The following COL4A4 variants were observed in gnomAD, a reference collection of about 807,000 sequenced individuals.
COL4A4 encodes the protein collagen type IV alpha 4 chain.
COL4A4 carries 105 observed loss-of-function variants against 192.9 expected under a neutral mutation model. That is an observed-to-expected ratio of 0.54 (90% CI 0.46 to 0.64). The LOEUF (loss-of-function observed/expected upper bound fraction) is 0.64, where lower values mean the gene tolerates loss of function less well. COL4A4 is among the 30% of genes least tolerant of loss of function. The pLI, the probability that COL4A4 is intolerant of heterozygous loss-of-function variation, is 0.00. For missense variants in COL4A4, 1,967 were observed against 2,169.3 expected (o/e 0.91, Z 1.85); for synonymous variants, 762 against 769.9 (o/e 0.99, Z 0.17).
At position 227,007,039 on chromosome 2, in the gene COL4A4, C is replaced by G. The variant is rs1034975987; in HGVS notation, c.*286G>C. On this transcript the variant is annotated 3_prime_UTR_variant, in exon 48 of 48. Transcript: ENST00000396625. ...AATCTGGCCTTTATCATCTACTTGCCTTTCTGAGAATTAGCATATTTTTAA... is the reference window on the plus strand; with the variant it reads ...AATCTGGCCTTTATCATCTACTTGCGTTTCTGAGAATTAGCATATTTTTAA... The G allele has an allele frequency of 1.1e-5, 5 of 463,572 alleles. No homozygotes were observed. The highest frequency in any genetic ancestry group is 9.8e-5 in the African/African-American group (5 of 50,840). 28.7% of individuals were successfully genotyped at this position (463,572 alleles called of 1,614,324 possible).
chr2:227,121,242 G>A, intron 4 of COL4A4, 94 bp from the exon 5 acceptor site: 3 of 1,387,482 alleles, frequency 2.2e-6, no homozygotes, highest in East Asian at 2.5e-5. Flanking sequence ...AGAAGACTTG[G>A]AAATTAGATT....
intron 44 of COL4A4, among the ~76,000 whole-genome samples, chr2:227,012,888 C>G (rs976434638): frequency 3.3e-5 from 5 of 152,156 alleles, no homozygotes; most frequent in African/African-American, 4.8e-5. Flanking sequence ...AGCCATATGA[C>G]TAGGTACTCA....
rs62277812 is a variant in COL4A4, at chr2:227,139,426, T to C, written c.192+735A>G. ...GTTTGATCTAATACTTTATCACAAA[T>C]GAATTAGTGGGCTGCTGTCAGAACA... On this transcript the variant is annotated intron_variant, in intron 4 of 47. Transcript: ENST00000396625. Among the ~76,000 whole-genome samples the C allele has an allele frequency of 8.7e-3, 1,321 of 152,308 alleles. 6 individuals are homozygous for C. Among genetic ancestry groups the C allele is most frequent in the Non-Finnish European group, 0.014 (934 of 68,024 alleles).
intron 4 of COL4A4, among the ~76,000 whole-genome samples, chr2:227,134,682 G>A (rs1378278847): frequency 6.6e-6 from 1 of 152,218 alleles, no homozygotes; most frequent in Non-Finnish European, 1.5e-5. Flanking sequence ...TATAAGGGAT[G>A]AGTGAATGAG....
rs1435508554 is a variant in COL4A4, at chr2:227,094,255, A to C, written c.1239T>G (p.Pro413=). The C allele has an allele frequency of 1.9e-6, 3 of 1,613,922 alleles. No homozygotes were observed. In the South Asian group the frequency reaches 3.3e-5, roughly 18 times the overall value. The part of the protein sequence containing the change: ...MIGPPGPQGF[P]GLPGLPGEAG... ...CTTCTCCTGGAAGCCCAGGAAGACC[A>C]GGAAATCCTTGTGGCCCAGGGGGTC... is the stretch of plus-strand genomic sequence containing the variant. The change falls in exon 20 of 48, where the codon CCT becomes CCG. Residue 413 remains proline, a synonymous_variant. Transcript: ENST00000396625.
intron 44 of COL4A4, 88 bp downstream of exon 44, chr2:227,021,960 C>T (rs1028616627): frequency 1.4e-6 from 2 of 1,466,516 alleles, no homozygotes; most frequent in Non-Finnish European, 1.9e-6. Context: ...GTTTAGGCTC[C>T]ATATAAAAAG....
In COL4A4 at chr2:227,030,643, A is replaced by T. The variant is rs55886181; in HGVS notation, c.3818-45T>A. ...AAAAATATTCTTTTAGTCAAAGACG[A>T]ATGTGTATACTGGCTGCTTGACAGC... On this transcript the variant is annotated intron_variant, in intron 40 of 47. Coordinates refer to ENST00000396625, the MANE Select transcript of COL4A4 (RefSeq NM_000092.5). The T allele has an allele frequency of 0.017, 25,494 of 1,512,554 alleles. 250 individuals carry two copies. Among genetic ancestry groups the T allele is most frequent in the Non-Finnish European group, 0.021 (23,290 of 1,126,782 alleles). 93.7% of individuals were successfully genotyped at this position (1,512,554 alleles called of 1,614,324 possible).
At chr2:227,026,408 G>A (rs1966860613) in intron 42 of COL4A4, among the ~76,000 whole-genome samples, 1 of 151,424 alleles carries the variant, frequency 6.6e-6, no homozygotes, top group East Asian at 2.0e-4. Context: ...TGAGGCAGGA[G>A]AACGGGCGTG....
intron 22 of COL4A4, among the ~76,000 whole-genome samples, chr2:227,086,162 A>G (rs745538720): frequency 1.6e-4 from 25 of 152,212 alleles, no homozygotes; most frequent in Non-Finnish European, 7.4e-5. Context: ...AGGCTAAGGC[A>G]ATGAATGCAA....
chr2:227,041,535 G>A (rs1466801712), intron 37 of COL4A4, among the ~76,000 whole-genome samples: 2 of 151,418 alleles, frequency 1.3e-5, no homozygotes, highest in African/African-American at 4.9e-5. Flanking sequence ...CAGCTACTTA[G>A]GAGGCTGAGG....
chr2:226,997,952 A>G (rs1222123064), downstream of COL4A4: 1 of 152,224 alleles, frequency 6.6e-6, no homozygotes, highest in African/African-American at 2.4e-5. Context: ...TATGCCAACA[A>G]ACTGGAATTG....
chr2:227,062,211 C>T (rs1277485574), intron 26 of COL4A4, among the ~76,000 whole-genome samples: 3 of 144,580 alleles, frequency 2.1e-5, no homozygotes, highest in Non-Finnish European at 3.0e-5. Context: ...CACTCCAGCC[C>T]GGGAGACAAA....
chr2:227,073,217 T>C (rs949134992), intron 25 of COL4A4, among the ~76,000 whole-genome samples: 3 of 152,072 alleles, frequency 2.0e-5, no homozygotes, highest in Non-Finnish European at 4.4e-5. Context: ...ACAAAATCAT[T>C]GTACATAAAT....
At position 227,114,583 on chromosome 2, in the gene COL4A4, T is replaced by C. The variant is rs368011937; in HGVS notation, c.558+45A>G. 2.0e-6 allele frequency: 3 copies of C among 1,512,272 alleles called. No individual in the cohort carries two copies. In the African/African-American group the frequency reaches 4.1e-5, roughly 21 times the overall value. 93.7% of individuals were successfully genotyped at this position (1,512,272 alleles called of 1,614,324 possible). Reference sequence around the variant, plus strand: ...AGTATTTCCTGCATGGGCTTACCTATTTGGAAGAAAAAATTTTTTAACCCA... The same window carrying C: ...AGTATTTCCTGCATGGGCTTACCTACTTGGAAGAAAAAATTTTTTAACCCA... On this transcript the variant is annotated intron_variant, in intron 8 of 47. Transcript: ENST00000396625.
chr2:227,037,696 CCCA>C (rs551850309), intron 37 of COL4A4, among the ~76,000 whole-genome samples: 98 of 152,314 alleles, frequency 6.4e-4, no homozygotes, highest in Middle Eastern at 3.4e-3. Context: ...AATTTACACT[CCCA>C]CCAACAGTGT....
chr2:227,028,483 C>T (rs1380856532), intron 41 of COL4A4, among the ~76,000 whole-genome samples: 1 of 152,028 alleles, frequency 6.6e-6, no homozygotes, highest in East Asian at 1.9e-4. Flanking sequence ...AGAGATAAGA[C>T]CCAGTTTCAT....
upstream of COL4A4, chr2:227,164,378 A>C (rs1576994825): frequency 1.4e-5 from 5 of 354,192 alleles, no homozygotes; most frequent in South Asian, 3.4e-5. This position sits in a 1 kb window ranked among gnomAD's most constrained non-coding sequence, Gnocchi z 4.8. Flanking sequence ...TGGGAGCATC[A>C]CCTCCTTAAC....
chr2:227,103,114 G>GAA, intron 14 of COL4A4, 30 bp downstream of exon 14: 9 of 1,400,136 alleles, frequency 6.4e-6, no homozygotes, highest in Admixed American at 3.9e-5. Context: ...TCACACAAAT[G>GAA]AAAAAAAAAA....
At chr2:227,080,586 C>T (rs2059273305) in intron 23 of COL4A4, 37 bp from the exon 24 acceptor site, 2 of 1,560,072 alleles carry the variant, frequency 1.3e-6, no homozygotes, top group East Asian at 4.5e-5. Context: ...AAGCTCTTAT[C>T]AGCAGAGGGT....
Sources: allele counts gnomAD v4.1 joint callset (sites outside exome capture counted in the v4.1 genomes callset), GRCh38; gene constraint gnomAD v4.1.1; non-coding constraint Gnocchi (gnomAD v3.1); transcripts MANE v1.5; gene names NCBI Gene and HGNC (gene_info 2026-07-23, HGNC 2026-07-21).